Variants in RFC1 observed in about 807,000 individuals in gnomAD.
RFC1 encodes replication factor C subunit 1, also known as A1 140 kDa subunit.
In RFC1, 37 loss-of-function variants were observed where a neutral mutation model predicts 137.4. The ratio of observed to expected loss-of-function variants is 0.27; its 90% confidence interval spans 0.21 to 0.35. The LOEUF (loss-of-function observed/expected upper bound fraction) is 0.35, where lower values mean the gene tolerates loss of function less well. Among genes scored for constraint, RFC1 ranks in the 10% least tolerant of loss-of-function variants. RFC1 has a pLI of 1.00. For missense variants in RFC1, 1,205 were observed against 1,358.5 expected (o/e 0.89, Z 1.78); for synonymous variants, 429 against 455.7 (o/e 0.94, Z 0.75).
Position 39,320,672 on chromosome 4 carries a change from A to G in RFC1, c.809-3T>C. The G allele has an allele frequency of 6.4e-7, 1 of 1,564,428 alleles. No homozygotes were observed. Among genetic ancestry groups the G allele is most frequent in the Non-Finnish European group, 8.6e-7 (1 of 1,163,288 alleles). ...ATCTGAAACTTGTGCTGTTTTTACT[A>G]GGAAGAAAGAAAAGATTATGGTTGT... is the stretch of plus-strand genomic sequence containing the variant. On this transcript the variant is annotated splice_region_variant and splice_polypyrimidine_tract_variant and intron_variant, in intron 8 of 24. Transcript: ENST00000349703.
At chr4:39,330,395 A>G (rs1165700834) in intron 4 of RFC1, among the ~76,000 whole-genome samples, 1 of 152,214 alleles carries the variant, frequency 6.6e-6, no homozygotes, top group African/African-American at 2.4e-5. Flanking sequence ...CACTATTTAA[A>G]GCAAGCATGT....
At chr4:39,311,592 C>T (rs111606560) in intron 11 of RFC1, 43 bp from the exon 12 acceptor site, 1 of 1,469,758 alleles carries the variant, frequency 6.8e-7, no homozygotes, top group South Asian at 1.2e-5. Context: ...CATCCTGCAT[C>T]CTACCATTCC....
intron 19 of RFC1, 96 bp from the exon 20 acceptor site, chr4:39,300,510 A>G: frequency 1.1e-6 from 1 of 901,544 alleles, no homozygotes; most frequent in Non-Finnish European, 1.7e-6. Flanking sequence ...GAGGAATTCC[A>G]TTCATTGCTG....
At chr4:39,346,210 CT>C in intron 2 of RFC1, among the ~76,000 whole-genome samples, 1 of 152,336 alleles carries the variant, frequency 6.6e-6, no homozygotes, top group South Asian at 2.1e-4. Flanking sequence ...GGCTCAGTGG[CT>C]CACGCCTGTA....
At chr4:39,364,266 G>GGA (rs144026077) in intron 1 of RFC1, among the ~76,000 whole-genome samples, 1 of 144,662 alleles carries the variant, frequency 6.9e-6, no homozygotes, top group African/African-American at 2.6e-5. Context: ...CAGTCTGAGG[G>GGA]AAAAAAAAAA....
intron 4 of RFC1, among the ~76,000 whole-genome samples, chr4:39,340,715 G>A (rs1740570447): frequency 6.6e-6 from 1 of 151,954 alleles, no homozygotes; most frequent in African/African-American, 2.4e-5. Context: ...GAAGGAAAGG[G>A]CTTATCTTCC....
At position 39,308,828 on chromosome 4, in the gene RFC1, C is replaced by A. The variant is rs768993651; in HGVS notation, c.1693G>T (p.Gly565Cys). ...FKEQVAEETSGDSKARNLADD... is the reference protein window; with the variant it reads ...FKEQVAEETSCDSKARNLADD... ...GCCAAATTCCTAGCCTTGCTGTCAC[C>A]ACTTGTCTCCTCAGCCACCTGCTCC... Residue 565 changes from glycine (G) to cysteine (C), a missense_variant, in exon 13 of 25, where the codon GGT becomes TGT. Physicochemically the swap from Gly to Cys is radical, Grantham distance 159. Around this residue, in one of 3 missense-constraint regions of RFC1, gnomAD observed 962 missense variants for 1,035.3 expected, o/e 0.93. Coordinates refer to ENST00000349703, the MANE Select transcript of RFC1 (RefSeq NM_002913.5). The A allele has an allele frequency of 6.2e-7, 1 of 1,614,186 alleles. No individual in the cohort carries two copies. Among genetic ancestry groups the A allele is most frequent in the East Asian group, 2.2e-5 (1 of 44,886 alleles).
At chr4:39,331,064 T>A (rs1224945804) in intron 4 of RFC1, among the ~76,000 whole-genome samples, 1 of 152,164 alleles carries the variant, frequency 6.6e-6, no homozygotes, top group Non-Finnish European at 1.5e-5. Flanking sequence ...TCCTAGTAAC[T>A]AACCATTGAG....
At chr4:39,326,023 A>T (rs957855303) in intron 6 of RFC1, among the ~76,000 whole-genome samples, 3 of 152,096 alleles carry the variant, frequency 2.0e-5, no homozygotes, top group African/African-American at 7.2e-5. Context: ...AACATGGTGA[A>T]ACTCCGTCTC....
At chr4:39,327,831 T>C in intron 4 of RFC1, 75 bp from the exon 5 acceptor site, 2 of 1,127,600 alleles carry the variant, frequency 1.8e-6, no homozygotes, top group Non-Finnish European at 2.5e-6. Context: ...TCTACCAACT[T>C]TATAAAAAGT....
Position 39,311,431 on chromosome 4 carries a change from C to A in RFC1, c.1488+14G>T. On this transcript the variant is annotated intron_variant, in intron 12 of 24. Transcript: ENST00000349703. ...AATATACACCAACTTAAATCACATTCATTTTATACGAACCTCAGTTTCAAC... is the reference window on the plus strand; with the variant it reads ...AATATACACCAACTTAAATCACATTAATTTTATACGAACCTCAGTTTCAAC... 6.2e-7 allele frequency: 1 copy of A among 1,602,280 alleles called. No homozygotes were observed.
At position 39,312,923 on chromosome 4, in the gene RFC1, T is replaced by C. The variant is rs867380312; in HGVS notation, c.1212A>G (p.Glu404=). The change falls in exon 11 of 25, where the codon GAA becomes GAG. Residue 404 remains glutamate, a synonymous_variant. Coordinates refer to ENST00000349703, the MANE Select transcript of RFC1 (RefSeq NM_002913.5). ...LGSKEIPKGA[E]NCLEGLIFVI... is the part of the protein sequence containing the mutation. ...CAAATATAAGGCCTTCCAAGCAATT[T>C]TCAGCTCCCTAAAAACCAAAATGTT... 8.8e-6 allele frequency: 14 copies of C among 1,598,748 alleles called. No individual in the cohort carries two copies. The Middle Eastern group carries it at 2.2e-3, about 247-fold the overall frequency.
chr4:39,295,904 ACT>A, intron 21 of RFC1, 145 bp from the exon 22 acceptor site: 1 of 583,324 alleles, frequency 1.7e-6, no homozygotes, highest in South Asian at 3.2e-5. Context: ...CCTTTCTATA[ACT>A]CTGATCTGCT....
intron 19 of RFC1, 79 bp from the exon 20 acceptor site, chr4:39,300,493 G>A (rs924681418): frequency 9.8e-7 from 1 of 1,017,192 alleles, no homozygotes; most frequent in African/African-American, 1.6e-5. Context: ...ACGAGGATAT[G>A]GAACAAGAGG....
chr4:39,317,309 T>C (rs779549919), intron 9 of RFC1, among the ~76,000 whole-genome samples: 1 of 152,200 alleles, frequency 6.6e-6, no homozygotes, highest in Non-Finnish European at 1.5e-5. Context: ...GCAAAAAGTG[T>C]TTTACTTTAG....
Position 39,291,800 on chromosome 4 carries a change from C to G in RFC1, c.3007G>C (p.Asp1003His), listed in dbSNP as rs983618925. Residue 1003 changes from aspartate to histidine, a missense_variant, in exon 23 of 25, where the codon GAT becomes CAT. By Grantham distance (81) the Asp-to-His change is moderately conservative. Around this residue, in one of 3 missense-constraint regions of RFC1, gnomAD observed 237 missense variants for 304.2 expected, o/e 0.78. Transcript: ENST00000349703. ...GAGGTCAAGGGCTGTACAAGTGCAT[C>G]CCTTAGAAGCGACAGATAATCCATG... Reference protein sequence around the residue: ...VNMDYLSLLRDALVQPLTSQG... With the variant: ...VNMDYLSLLRHALVQPLTSQG... 2.5e-6 allele frequency: 4 copies of G among 1,614,106 alleles called. No individual in the cohort carries two copies. The highest frequency in any genetic ancestry group is 3.4e-6 in the Non-Finnish European group (4 of 1,179,982).
chr4:39,366,194 AG>A (rs1260951836), intron 1 of RFC1, 44 bp downstream of exon 1: 3 of 1,547,206 alleles, frequency 1.9e-6, no homozygotes, highest in African/African-American at 2.8e-5. Context: ...AGGCCTGCAA[AG>A]CCCCCCCAGA....
rs773606833 is a variant in RFC1 at position 39,302,754 on chromosome 4, G to A, written c.2323C>T (p.Arg775Trp). The stretch of plus-strand genomic sequence containing the variant: ...CATCATACCTTAATCTGTTCAACCC[G>A]AGGTCTTTGAAAACGAAGATCAAAA... ...YCFDLRFQRP[R>W]VEQIKGAMMS... The change falls in exon 17 of 25, where the codon CGG (arginine) becomes TGG (tryptophan). Residue 775 changes from arginine (R) to tryptophan (W), a missense_variant. Arg to Trp is a moderately radical substitution (Grantham distance 101, BLOSUM62 -3). Coordinates refer to ENST00000349703, the MANE Select transcript of RFC1 (RefSeq NM_002913.5). 3.8e-6 allele frequency: 6 copies of A among 1,594,620 alleles called. No homozygotes were observed. The highest frequency in any genetic ancestry group is 1.2e-5 in the South Asian group (1 of 86,122).
At chr4:39,313,753 A>T in intron 10 of RFC1, among the ~76,000 whole-genome samples, 1 of 152,220 alleles carries the variant, frequency 6.6e-6, no homozygotes, top group Admixed American at 6.5e-5. Flanking sequence ...CTAAAAAGCT[A>T]AGCAAGTGTG....
Sources: allele counts gnomAD v4.1 joint callset (sites outside exome capture counted in the v4.1 genomes callset), GRCh38; gene constraint gnomAD v4.1.1; regional missense constraint gnomAD v4.1.1; transcripts MANE v1.5; gene names NCBI Gene and HGNC (gene_info 2026-07-23, HGNC 2026-07-21).